The following CFAP47 variants were observed in gnomAD, a reference collection of about 807,000 sequenced individuals.
The protein encoded by CFAP47 is cilia- and flagella-associated protein 47.
Under a neutral mutation model 148.1 loss-of-function variants are expected in CFAP47, and 29 were observed. That is an observed-to-expected ratio of 0.20 (90% CI 0.15 to 0.27). The LOEUF is 0.27. Ranked by LOEUF, CFAP47 falls within the 10% of genes least tolerant of loss-of-function variation. The pLI, the probability that CFAP47 is intolerant of heterozygous loss-of-function variation, is 1.00. For synonymous variants in CFAP47, 664 were observed against 577.3 expected, an observed-to-expected ratio of 1.15 and a Z score of -2.15; for missense variants, 1,872 against 1,697.5, an observed-to-expected ratio of 1.10 and a Z score of -1.81.
At chrX:36,346,811 G>C (rs1250213551) in intron 57 of CFAP47, among the ~76,000 whole-genome samples, 1 of 111,427 alleles carries the variant, frequency 9.0e-6, no homozygotes, top group South Asian at 3.8e-4. Flanking sequence ...AGACTTAGAC[G>C]TAAGACCTAG....
chrX:36,001,512 A>G (rs1268080169), intron 20 of CFAP47, 101 bp from the exon 21 acceptor site: 1 of 269,841 alleles, frequency 3.7e-6, no homozygotes, highest in East Asian at 5.2e-5. Context: ...CTTGGTATTT[A>G]GAACAATTCT....
intron 8 of CFAP47, among the ~76,000 whole-genome samples, chrX:35,961,546 A>G (rs73468921): frequency 0.018 from 2,027 of 110,970 alleles, 49 homozygotes; most frequent in African/African-American, 0.062. Flanking sequence ...CAGTTTCAGT[A>G]GTTTATGTCT....
intron 2 of CFAP47, among the ~76,000 whole-genome samples, chrX:35,933,893 A>G (rs968525060): frequency 9.0e-6 from 1 of 111,565 alleles, no homozygotes; most frequent in Non-Finnish European, 1.9e-5. Flanking sequence ...GTCTATTCAA[A>G]TTTTTTGCCC....
chrX:36,271,677 A>C (rs1232305118), intron 49 of CFAP47, among the ~76,000 whole-genome samples: 4 of 112,147 alleles, frequency 3.6e-5, no homozygotes, highest in African/African-American at 6.5e-5. Context: ...AACATATGTA[A>C]ACAGGACCTA....
intron 33 of CFAP47, among the ~76,000 whole-genome samples, chrX:36,118,377 G>A (rs1906093076): frequency 9.0e-6 from 1 of 111,385 alleles, no homozygotes; most frequent in African/African-American, 3.3e-5. Flanking sequence ...CATGAACATG[G>A]AATATCTTTC....
intron 2 of CFAP47, among the ~76,000 whole-genome samples, chrX:35,936,339 A>G (rs376686293): frequency 8.1e-5 from 9 of 110,985 alleles, no homozygotes; most frequent in African/African-American, 2.9e-4. Context: ...GTATTATTCA[A>G]TTCTATAATT....
chrX:36,306,399 T>G (rs1160811967), intron 54 of CFAP47, among the ~76,000 whole-genome samples: 1 of 111,750 alleles, frequency 8.9e-6, no homozygotes, highest in Non-Finnish European at 1.9e-5. Flanking sequence ...AGTAACAAAT[T>G]AAGTTACAGG....
At chrX:36,019,144 T>TAC in intron 22 of CFAP47, among the ~76,000 whole-genome samples, 1 of 111,774 alleles carries the variant, frequency 8.9e-6, no homozygotes, top group South Asian at 3.7e-4. Flanking sequence ...ATGAATGAAG[T>TAC]ACACCGACAC....
intron 28 of CFAP47, among the ~76,000 whole-genome samples, chrX:36,072,280 T>A (rs186134225): frequency 8.9e-6 from 1 of 112,222 alleles, no homozygotes; most frequent in East Asian, 2.8e-4. Context: ...GTAGTACTTA[T>A]GTGCTGTCTA....
At chrX:36,157,476 C>A (rs979540018) in intron 37 of CFAP47, among the ~76,000 whole-genome samples, 14 of 111,874 alleles carry the variant, frequency 1.3e-4, no homozygotes, top group African/African-American at 4.5e-4. Flanking sequence ...TGCCTTCTTT[C>A]ATCCCCTGTT....
chrX:36,177,706 T>G (rs896769788), intron 39 of CFAP47, among the ~76,000 whole-genome samples: 6 of 112,378 alleles, frequency 5.3e-5, no homozygotes, highest in African/African-American at 1.6e-4. Flanking sequence ...ATCAGAAATA[T>G]CAATTTAAAA....
chrX:36,365,958 A>T (rs1556020196), intron 61 of CFAP47, among the ~76,000 whole-genome samples: 1 of 111,345 alleles, frequency 9.0e-6, no homozygotes, highest in African/African-American at 3.3e-5. Flanking sequence ...ACATGAGTAC[A>T]TGTGTCTTTA....
At chrX:36,087,178 C>A (rs774767554) in intron 30 of CFAP47, among the ~76,000 whole-genome samples, 1 of 112,056 alleles carries the variant, frequency 8.9e-6, no homozygotes, top group Non-Finnish European at 1.9e-5. Context: ...ATTTGAGGAA[C>A]CCTTCTATAT....
At position 36,257,224 on chromosome X, in the gene CFAP47, A is replaced by C. The variant is rs148877324; in HGVS notation, c.7444+5780A>C. 2.1e-3 allele frequency among the ~76,000 whole-genome samples: 231 copies of C among 111,320 alleles called. 4 individuals are homozygous for C. The East Asian group carries it at 0.051, about 24-fold the overall frequency. On this transcript the variant is annotated intron_variant, in intron 49 of 63. Transcript: ENST00000378653. ...AAGAGGGGGTAGAACTCAGTAATCG[A>C]GTATCTTCCCTTTGCCCGCAGGATT...
At chrX:36,166,502 ATCATGCTTTCC>A (rs1939491803) in intron 39 of CFAP47, among the ~76,000 whole-genome samples, 1 of 111,030 alleles carries the variant, frequency 9.0e-6, no homozygotes, top group South Asian at 3.7e-4. Context: ...CCACATTGTC[ATCATGCTTTCC>A]TTTACTTCTT....
intron 57 of CFAP47, among the ~76,000 whole-genome samples, chrX:36,347,646 T>C: frequency 9.0e-6 from 1 of 111,595 alleles, no homozygotes; most frequent in Non-Finnish European, 1.9e-5. Context: ...TGGATGAAGC[T>C]GGAAGCCATC....
intron 39 of CFAP47, among the ~76,000 whole-genome samples, chrX:36,169,791 G>T (rs1221465973): frequency 1.8e-5 from 2 of 111,387 alleles, no homozygotes; most frequent in East Asian, 5.6e-4. Context: ...TCAGGCTTTT[G>T]TTTGACCCAA....
intron 51 of CFAP47, among the ~76,000 whole-genome samples, chrX:36,292,424 G>C (rs1422577415): frequency 9.0e-6 from 1 of 111,699 alleles, no homozygotes; most frequent in African/African-American, 3.3e-5. Context: ...ACTTGATAAT[G>C]TTTTCAAATT....
At chrX:35,976,141 C>CAG (rs1411260959) in intron 15 of CFAP47, among the ~76,000 whole-genome samples, 1 of 109,147 alleles carries the variant, frequency 9.2e-6, no homozygotes, top group Non-Finnish European at 1.9e-5. Flanking sequence ...GAGAGAGAGA[C>CAG]AGAGAGAGAG....
Sources: allele counts gnomAD v4.1 joint callset (sites outside exome capture counted in the v4.1 genomes callset), GRCh38; gene constraint gnomAD v4.1.1; transcripts MANE v1.5; gene names NCBI Gene and HGNC (gene_info 2026-07-23, HGNC 2026-07-21).